GATA6: variants seen among roughly 807,000 people sequenced by gnomAD.
The protein encoded by GATA6 is GATA binding protein 6.
A neutral mutation model predicts 48.1 loss-of-function variants in GATA6; 11 were observed. The observed-to-expected ratio is 0.23, with a 90% CI of 0.14 to 0.38. The LOEUF (loss-of-function observed/expected upper bound fraction) is 0.38, where lower values mean the gene tolerates loss of function less well. Ranked by LOEUF, GATA6 falls within the 10% of genes least tolerant of loss-of-function variation. The pLI, the probability that GATA6 is intolerant of heterozygous loss-of-function variation, is 1.00. For synonymous variants in GATA6, 419 were observed against 396.1 expected, an observed-to-expected ratio of 1.06 and a Z score of -0.69; for missense variants, 795 against 850.3, an observed-to-expected ratio of 0.93 and a Z score of 0.81.
chr18:22,179,813 G>A (rs1424291086), intron 3 of GATA6, among the ~76,000 whole-genome samples: 1 of 152,206 alleles, frequency 6.6e-6, no homozygotes, highest in Non-Finnish European at 1.5e-5. Context: ...TTGATTCTTA[G>A]CACTGACTTC....
chr18:22,200,637 T>C lies in GATA6; in HGVS notation c.1621-19T>C. 1 of 1,614,242 alleles carries C rather than the reference T, an allele frequency of 6.2e-7. No individual in the cohort carries two copies. Among genetic ancestry groups the C allele is most frequent in the African/African-American group, 1.3e-5 (1 of 75,080 alleles). On this transcript the variant is annotated intron_variant, in intron 6 of 6. Coordinates refer to ENST00000269216, the MANE Select transcript of GATA6 (RefSeq NM_005257.6). The stretch of plus-strand genomic sequence containing the variant: ...TTCTCACCTTCTCGTCTCTCCTCTG[T>C]GTCCCCCTCTTCTGCCAGGCGGGTG...
At chr18:22,196,387 T>C (rs2033389510) in intron 6 of GATA6, among the ~76,000 whole-genome samples, 2 of 152,182 alleles carry the variant, frequency 1.3e-5, no homozygotes, top group South Asian at 4.1e-4. Context: ...GGGATTGTTA[T>C]TCAGGTGTAA....
In GATA6 at chr18:22,170,810, G is replaced by C; in HGVS notation, c.-37-298G>C. 1 of 436,778 alleles carries C rather than the reference G, an allele frequency of 2.3e-6. No individual in the cohort carries two copies. The highest frequency in any genetic ancestry group is 4.4e-5 in the East Asian group (1 of 22,622). 27.1% of individuals were successfully genotyped at this position (436,778 alleles called of 1,614,324 possible). A position where few individuals can be genotyped will look rare whatever the true frequency, so the allele number is the denominator to read the frequency against. ...GGGATCTGGCGCGCGCACGGAGAAA[G>C]GATGCGGCCGAGGGGGTGGGCGGGG... is the stretch of plus-strand genomic sequence containing the variant. On this transcript the variant is annotated intron_variant, in intron 1 of 6. Coordinates refer to ENST00000269216, the MANE Select transcript of GATA6 (RefSeq NM_005257.6). The surrounding 1 kb of genome is among the most constrained non-coding windows in gnomAD (Gnocchi z 6.7).
At position 22,172,115 on chromosome 18, in the gene GATA6, A is replaced by AC. The variant is rs2143278337; in HGVS notation, c.973dup (p.His325ProfsTer138). ...GCGCGGCCGCTGAACGGGACGTACC[A>AC]CCACCACCACCACCACCACCACCAC... is the stretch of plus-strand genomic sequence containing the variant. On this transcript the variant is annotated frameshift_variant, in exon 2 of 7. Transcript: ENST00000269216. LOFTEE classifies it high-confidence loss of function. The surrounding 1 kb of genome is among the most constrained non-coding windows in gnomAD (Gnocchi z 5.2). The AC allele has an allele frequency of 1.4e-6, 2 of 1,442,896 alleles. No individual in the cohort carries two copies. Among genetic ancestry groups the AC allele is most frequent in the Non-Finnish European group, 9.2e-7 (1 of 1,090,518 alleles). 89.4% of individuals were successfully genotyped at this position (1,442,896 alleles called of 1,614,324 possible). A position where few individuals can be genotyped will look rare whatever the true frequency, so the allele number is the denominator to read the frequency against.
At chr18:22,173,789 G>T (rs908787898) in intron 2 of GATA6, among the ~76,000 whole-genome samples, 9 of 152,168 alleles carry the variant, frequency 5.9e-5, no homozygotes, top group Non-Finnish European at 1.0e-4. Context: ...TTACAGGCGC[G>T]CGCCGCCACA....
chr18:22,200,610 G>A (rs779197533), intron 6 of GATA6, 46 bp from the exon 7 acceptor site: 110 of 1,611,920 alleles, frequency 6.8e-5, no homozygotes, highest in Non-Finnish European at 9.3e-5. Flanking sequence ...GATTGTAACC[G>A]CTTCTCACCT....
At chr18:22,177,752 T>C (rs2033141534) in intron 3 of GATA6, among the ~76,000 whole-genome samples, 1 of 152,160 alleles carries the variant, frequency 6.6e-6, no homozygotes, top group African/African-American at 2.4e-5. Flanking sequence ...TTCCACCTTC[T>C]TGGTCACTTC....
At chr18:22,183,788 T>C (rs372944507) in intron 6 of GATA6, among the ~76,000 whole-genome samples, 2 of 152,216 alleles carry the variant, frequency 1.3e-5, no homozygotes, top group African/African-American at 4.8e-5. Flanking sequence ...CAAATTTACC[T>C]GGAATGCCCT....
Position 22,172,348 on chromosome 18 carries a change from C to T in GATA6, c.1135+69C>T. The T allele has an allele frequency of 6.7e-7, 1 of 1,502,828 alleles. No homozygotes were observed. Among genetic ancestry groups the T allele is most frequent in the Non-Finnish European group, 8.9e-7 (1 of 1,126,404 alleles). 93.1% of individuals were successfully genotyped at this position (1,502,828 alleles called of 1,614,324 possible). ...GGGGCGCACGGGGGACGTGGAGCAG[C>T]TGCTCCACTCGGGCCCTGTTTTCAG... On this transcript the variant is annotated intron_variant, in intron 2 of 6. Coordinates refer to ENST00000269216, the MANE Select transcript of GATA6 (RefSeq NM_005257.6). This position sits in a 1 kb window ranked among gnomAD's most constrained non-coding sequence, Gnocchi z 5.2.
chr18:22,171,380 T>G lies in GATA6; in HGVS notation c.236T>G (p.Leu79Arg), dbSNP rs2033042023. 2.5e-6 allele frequency: 4 copies of G among 1,587,094 alleles called. No homozygotes were observed. The East Asian group carries it at 9.0e-5, about 36-fold the overall frequency. ...AAAGPPARSL[L>R]LSSYASHPFG... The stretch of plus-strand genomic sequence containing the variant: ...GCCGGACCCCCGGCCCGCTCGCTGC[T>G]GCTCAGTTCCTACGCTTCGCATCCC... Residue 79 changes from leucine (L) to arginine (R), a missense_variant, in exon 2 of 7, where the codon CTG (leucine) becomes CGG (arginine). This residue lies in a region of GATA6 where 591 missense variants were observed against 570.0 expected (regional missense o/e 1.04). Coordinates refer to ENST00000269216, the MANE Select transcript of GATA6 (RefSeq NM_005257.6). This position sits in a 1 kb window ranked among gnomAD's most constrained non-coding sequence, Gnocchi z 7.1.
rs76974536 is a variant in GATA6, at chr18:22,201,052, C to T, written c.*229C>T. ...TGGGCCACTCCAGCCAGCCCGCCTC[C>T]GGGGCGGACCCTGCTCCACTTCCAG... is the stretch of plus-strand genomic sequence containing the variant. On this transcript the variant is annotated 3_prime_UTR_variant, in exon 7 of 7. Coordinates refer to ENST00000269216, the MANE Select transcript of GATA6 (RefSeq NM_005257.6). The T allele has an allele frequency of 2.1e-4, 126 of 597,138 alleles. 3 individuals carry two copies. In the East Asian group the frequency reaches 3.5e-3, roughly 17 times the overall value. The allele number at this position is 597,138 out of a possible 1,614,324, so 37.0% of individuals were successfully genotyped here. A position where few individuals can be genotyped will look rare whatever the true frequency, so the allele number is the denominator to read the frequency against.
Position 22,201,171 on chromosome 18 carries a change from C to G in GATA6, c.*348C>G, listed in dbSNP as rs1364756685. On this transcript the variant is annotated 3_prime_UTR_variant, in exon 7 of 7. Transcript: ENST00000269216. ...GCATTTTGTCCAAAATCATGTGCTT[C>G]TTCTGATCAATTTTGGTTGTTCCAG... 1 of 295,348 alleles carries G rather than the reference C, an allele frequency of 3.4e-6. No homozygotes were observed. The highest frequency in any genetic ancestry group is 2.2e-5 in the African/African-American group (1 of 46,474). The allele number at this position is 295,348 out of a possible 1,614,324, so 18.3% of individuals were successfully genotyped here. A position where few individuals can be genotyped will look rare whatever the true frequency, so the allele number is the denominator to read the frequency against.
intron 6 of GATA6, among the ~76,000 whole-genome samples, chr18:22,192,800 C>T (rs949335442): frequency 6.6e-6 from 1 of 152,140 alleles, no homozygotes; most frequent in Non-Finnish European, 1.5e-5. Flanking sequence ...GTGGGACAAA[C>T]CCTCTCCCTT....
At chr18:22,190,114 T>A (rs541646999) in intron 6 of GATA6, among the ~76,000 whole-genome samples, 1 of 152,220 alleles carries the variant, frequency 6.6e-6, no homozygotes, top group Non-Finnish European at 1.5e-5. Flanking sequence ...AATTTTAGCA[T>A]CACATATCCT....
chr18:22,180,690 A>T (rs9946675), intron 3 of GATA6, among the ~76,000 whole-genome samples: 1,489 of 141,096 alleles, frequency 0.011, 20 homozygotes, highest in African/African-American at 0.034. Flanking sequence ...TTTTTTTTTT[A>T]AAAAAAACTT....
At chr18:22,181,605 A>G (rs781296792) in intron 4 of GATA6, 27 bp downstream of exon 4, 42 of 1,613,178 alleles carry the variant, frequency 2.6e-5, no homozygotes, top group Middle Eastern at 3.3e-4. Flanking sequence ...GCTCACTTGT[A>G]TATACATTTA....
chr18:22,186,510 A>G (rs1181066013), intron 6 of GATA6, among the ~76,000 whole-genome samples: 3 of 152,212 alleles, frequency 2.0e-5, no homozygotes, highest in African/African-American at 7.2e-5. Context: ...TGACAGGAAC[A>G]GGGTTCTGAC....
intron 6 of GATA6, among the ~76,000 whole-genome samples, chr18:22,195,112 G>A (rs758142684): frequency 1.3e-5 from 2 of 152,232 alleles, no homozygotes; most frequent in Non-Finnish European, 2.9e-5. Context: ...GTTGTAGTGA[G>A]CCGAGATACC....
intron 6 of GATA6, among the ~76,000 whole-genome samples, chr18:22,183,700 A>C (rs1003223923): frequency 6.6e-5 from 10 of 152,236 alleles, no homozygotes; most frequent in African/African-American, 2.4e-4. Flanking sequence ...TGAGGATCAC[A>C]GACTTAGTTT....
Sources: gnomAD v4.1 joint callset for allele counts (sites outside exome capture counted in the v4.1 genomes callset) on GRCh38, gnomAD v4.1.1 for gene constraint, gnomAD v4.1.1 regional missense constraint, Gnocchi (gnomAD v3.1) non-coding constraint, MANE v1.5 for transcripts, NCBI Gene and HGNC (gene_info 2026-07-23, HGNC 2026-07-21) for gene names.